Variants in PRKCZ observed in about 807,000 individuals in gnomAD.
PRKCZ encodes protein kinase C zeta type.
In PRKCZ, 33 loss-of-function variants were observed where a neutral mutation model predicts 79.5. That is an observed-to-expected ratio of 0.41 (90% confidence interval 0.31 to 0.55). PRKCZ has a LOEUF of 0.55. Ranked by LOEUF, PRKCZ falls within the 20% of genes least tolerant of loss-of-function variation. The pLI, the probability that PRKCZ is intolerant of heterozygous loss-of-function variation, is 0.19. For synonymous variants in PRKCZ, 342 were observed against 320.9 expected (o/e 1.07, Z -0.70); for missense variants, 578 against 813.5 (o/e 0.71, Z 3.52).
chr1:2,153,520 G>A (rs1417630093), intron 9 of PRKCZ, among the ~76,000 whole-genome samples: 1 of 152,200 alleles, frequency 6.6e-6, no homozygotes, highest in East Asian at 1.9e-4. Flanking sequence ...TGTCCAACTG[G>A]CCCCTCATCC....
chr1:2,105,487 C>T lies in PRKCZ; in HGVS notation c.335-29775C>T, dbSNP rs543434938. On this transcript the variant is annotated intron_variant, in intron 4 of 17. Coordinates refer to ENST00000378567, the MANE Select transcript of PRKCZ (RefSeq NM_002744.6). Reference sequence around the variant, plus strand: ...TGATCTCAGCTCACTGCAACCTTCGCCTCCCGGGTTCAAGCGATTCTCTTG... The same window carrying T: ...TGATCTCAGCTCACTGCAACCTTCGTCTCCCGGGTTCAAGCGATTCTCTTG... Among the ~76,000 whole-genome samples the T allele has an allele frequency of 1.8e-4, 27 of 152,350 alleles. No individual in the cohort carries two copies. In the East Asian group the frequency reaches 4.8e-3, roughly 27 times the overall value.
chr1:2,113,358 C>T (rs898388936), intron 4 of PRKCZ, among the ~76,000 whole-genome samples: 2 of 152,238 alleles, frequency 1.3e-5, no homozygotes, highest in African/African-American at 4.8e-5. Context: ...GTATGTGCTC[C>T]TGCTGCTTCT....
chr1:2,088,070 G>T (rs894376541), intron 4 of PRKCZ, among the ~76,000 whole-genome samples: 1 of 152,224 alleles, frequency 6.6e-6, no homozygotes, highest in Non-Finnish European at 1.5e-5. Flanking sequence ...CTGCTGTGTG[G>T]GTGGGGGCCT....
intron 5 of PRKCZ, 37 bp from the exon 6 acceptor site, chr1:2,144,173 G>T (rs370505833): frequency 6.5e-7 from 1 of 1,546,226 alleles, no homozygotes. Context: ...TGGCCCCTCA[G>T]TGTGGCCTGG....
chr1:2,107,585 G>A (rs1668805727), intron 4 of PRKCZ, among the ~76,000 whole-genome samples: 1 of 152,228 alleles, frequency 6.6e-6, no homozygotes, highest in Non-Finnish European at 1.5e-5. Context: ...GTGAAAGGCT[G>A]ATCACCCTCA....
chr1:2,051,345 G>A lies in PRKCZ; in HGVS notation c.71+644G>A, dbSNP rs187804190. Among the ~76,000 whole-genome samples the A allele has an allele frequency of 5.1e-3, 775 of 152,332 alleles. 19 individuals are homozygous for A. Among genetic ancestry groups the A allele is most frequent in the Admixed American group, 0.035 (539 of 15,304 alleles). ...GTCCTGGACTCTTGGCCGCCGCCTCGGGGCAGCGCTGCTGGGGGTGGCGGG... is the reference window on the plus strand; with the variant it reads ...GTCCTGGACTCTTGGCCGCCGCCTCAGGGCAGCGCTGCTGGGGGTGGCGGG... On this transcript the variant is annotated intron_variant, in intron 1 of 17. Coordinates refer to ENST00000378567, the MANE Select transcript of PRKCZ (RefSeq NM_002744.6).
intron 9 of PRKCZ, among the ~76,000 whole-genome samples, chr1:2,154,251 G>A (rs573291276): frequency 1.3e-5 from 2 of 152,242 alleles, no homozygotes; most frequent in Non-Finnish European, 2.9e-5. Flanking sequence ...GGTGGCGTGA[G>A]ATACCCGGGT....
Position 2,058,167 on chromosome 1 carries a change from T to A in PRKCZ, c.284-1374T>A, listed in dbSNP as rs182159227. Among the ~76,000 whole-genome samples, 464 of 145,942 alleles carry A rather than the reference T, an allele frequency of 3.2e-3. 22 individuals carry two copies. The East Asian group carries it at 0.08, about 25-fold the overall frequency. ...CAGGCGTGAGCCACGGTGCCCGGCC[T>A]AATTTTTGTATTTTTAGTAGAGATG... On this transcript the variant is annotated intron_variant, in intron 3 of 17. Coordinates refer to ENST00000378567, the MANE Select transcript of PRKCZ (RefSeq NM_002744.6).
intron 8 of PRKCZ, 62 bp downstream of exon 8, chr1:2,148,986 C>CTGTT: frequency 6.5e-7 from 1 of 1,541,814 alleles, no homozygotes; most frequent in Non-Finnish European, 9.0e-7. Flanking sequence ...GTGAGCCTGT[C>CTGTT]TCTGGGGTAG....
chr1:2,138,691 T>C (rs1305488821), intron 5 of PRKCZ, among the ~76,000 whole-genome samples: 2 of 151,974 alleles, frequency 1.3e-5, no homozygotes. Context: ...ATCCCAGCAC[T>C]TTGGGAGGCC....
chr1:2,184,602 T>C lies in PRKCZ; in HGVS notation c.1595T>C (p.Leu532Pro). Residue 532 changes from leucine to proline, a missense_variant, in exon 17 of 18, where the codon CTC becomes CCC. By Grantham distance (98) the Leu-to-Pro change is moderately conservative (BLOSUM62 -3). This residue lies in a region of PRKCZ where 243 missense variants were observed against 467.0 expected (regional missense o/e 0.52). Transcript: ENST00000378567. ...DWDLLEKKQALPPFQPQITDD... is the reference protein window; with the variant it reads ...DWDLLEKKQAPPPFQPQITDD... ...TCCAAGCTGGAGAAGAAGCAGGCGC[T>C]CCCTCCATTCCAGCCACAGATCACA... 1.2e-6 allele frequency: 2 copies of C among 1,613,822 alleles called. No homozygotes were observed. The highest frequency in any genetic ancestry group is 1.7e-6 in the Non-Finnish European group (2 of 1,179,952).
intron 4 of PRKCZ, among the ~76,000 whole-genome samples, chr1:2,110,287 A>G (rs1669458707): frequency 6.6e-6 from 1 of 152,200 alleles, no homozygotes; most frequent in Non-Finnish European, 1.5e-5. Context: ...GGTGAGAAAC[A>G]GAACGGCCAG....
At chr1:2,144,790 C>T (rs550783276) in intron 6 of PRKCZ, 3 of 274,806 alleles carry the variant, frequency 1.1e-5, no homozygotes, top group Non-Finnish European at 1.7e-5. Flanking sequence ...GGCACCTTCC[C>T]TCCGCCATCC....
chr1:2,167,015 G>A (rs1354064238), intron 10 of PRKCZ, among the ~76,000 whole-genome samples: 3 of 152,264 alleles, frequency 2.0e-5, no homozygotes, highest in Admixed American at 1.3e-4. Context: ...CTTGTGTCAC[G>A]CAGAGTCGCC....
intron 5 of PRKCZ, chr1:2,143,943 C>T (rs11583973): frequency 2.9e-5 from 12 of 408,144 alleles, no homozygotes; most frequent in South Asian, 6.3e-5. Flanking sequence ...CACCCCTGCC[C>T]GATGGCACCT....
rs1260316736 is a variant in PRKCZ, at chr1:2,151,671, C to CT, written c.876+702dup. On this transcript the variant is annotated intron_variant, in intron 9 of 17. Transcript: ENST00000378567. ...GGATCAATGGTTTATTTGTTGAAAT[C>CT]TTTTTTTTTGGAAACGGTCTTACTC... Among the ~76,000 whole-genome samples the CT allele has an allele frequency of 5.9e-5, 9 of 151,464 alleles. No individual in the cohort carries two copies. In the South Asian group the frequency reaches 6.3e-4, roughly 11 times the overall value.
At chr1:2,159,877 C>T (rs1320368682) in intron 10 of PRKCZ, among the ~76,000 whole-genome samples, 2 of 152,182 alleles carry the variant, frequency 1.3e-5, no homozygotes, top group Non-Finnish European at 2.9e-5. Flanking sequence ...TAAGCTATTT[C>T]AGGAAAACCA....
At chr1:2,086,942 T>G (rs1050693946) in intron 4 of PRKCZ, among the ~76,000 whole-genome samples, 4 of 152,238 alleles carry the variant, frequency 2.6e-5, no homozygotes, top group African/African-American at 9.6e-5. Context: ...GCCATGCCCA[T>G]GCCCTTGGAG....
intron 4 of PRKCZ, among the ~76,000 whole-genome samples, chr1:2,083,134 T>G (rs1248508063): frequency 6.6e-6 from 1 of 151,964 alleles, no homozygotes; most frequent in Admixed American, 6.6e-5. Context: ...GGCCCCAGAG[T>G]GTTCGGTTCA....
Sources: gnomAD v4.1 joint callset for allele counts (sites outside exome capture counted in the v4.1 genomes callset) on GRCh38, gnomAD v4.1.1 for gene constraint, gnomAD v4.1.1 regional missense constraint, MANE v1.5 for transcripts, NCBI Gene and HGNC (gene_info 2026-07-23, HGNC 2026-07-21) for gene names.